STAM: variants seen among roughly 807,000 people sequenced by gnomAD.
The protein encoded by STAM is signal transducing adapter molecule 1.
In STAM, 16 loss-of-function variants were observed where a neutral mutation model predicts 63.4. The observed-to-expected ratio is 0.25, with a 90% CI of 0.17 to 0.38. The LOEUF (loss-of-function observed/expected upper bound fraction) is 0.38. STAM is among the 10% of genes least tolerant of loss of function. The probability of loss-of-function intolerance (pLI) is 1.00; values close to 1 mark genes in which losing one functional copy is unlikely to be tolerated. For missense variants in STAM, 636 were observed against 657.1 expected, an observed-to-expected ratio of 0.97 and a Z score of 0.35; for synonymous variants, 238 against 223.9, an observed-to-expected ratio of 1.06 and a Z score of -0.56.
At chr10:17,666,087 T>C (rs1834363738) in intron 2 of STAM, among the ~76,000 whole-genome samples, 1 of 152,218 alleles carries the variant, frequency 6.6e-6, no homozygotes, top group South Asian at 2.1e-4. Flanking sequence ...TGAGGATAAA[T>C]ACTGATTATC....
intron 5 of STAM, 79 bp from the exon 6 acceptor site, chr10:17,693,143 T>G (rs1236945639): frequency 7.9e-7 from 1 of 1,270,332 alleles, no homozygotes; most frequent in Non-Finnish European, 1.1e-6. Context: ...ATGAGAAAGG[T>G]TTTGCAAATT....
At chr10:17,665,358 A>G (rs1175883596) in intron 2 of STAM, among the ~76,000 whole-genome samples, 2 of 152,214 alleles carry the variant, frequency 1.3e-5, no homozygotes, top group East Asian at 1.9e-4. Flanking sequence ...AAAGATGGAC[A>G]TTGACAAGTC....
chr10:17,692,094 GTAGGTGC>G (rs1835562207), intron 5 of STAM, among the ~76,000 whole-genome samples: 1 of 152,192 alleles, frequency 6.6e-6, no homozygotes. Context: ...CCCATGAGGT[GTAGGTGC>G]TATTATCGTA....
intron 1 of STAM, among the ~76,000 whole-genome samples, chr10:17,644,900 G>C (rs1833460801): frequency 1.3e-5 from 2 of 152,200 alleles, no homozygotes; most frequent in African/African-American, 2.4e-5. Flanking sequence ...CATGTTAGGA[G>C]CGATGAAGAT....
intron 13 of STAM, among the ~76,000 whole-genome samples, chr10:17,709,583 G>A (rs1836461894): frequency 6.6e-6 from 1 of 152,044 alleles, no homozygotes; most frequent in Admixed American, 6.6e-5. Context: ...TGCTTTAATG[G>A]GACTCTGAGC....
intron 2 of STAM, among the ~76,000 whole-genome samples, chr10:17,669,746 G>A (rs1345100485): frequency 1.3e-5 from 2 of 148,706 alleles, no homozygotes; most frequent in African/African-American, 5.0e-5. Flanking sequence ...CACCCAGGCT[G>A]TAGTGCAGTG....
rs1476561984 is a variant in STAM at position 17,675,459 on chromosome 10, G to A, written c.126-9216G>A. 4.0e-5 allele frequency among the ~76,000 whole-genome samples: 6 copies of A among 149,592 alleles called. 1 individual carries two copies. The highest frequency in any genetic ancestry group is 1.5e-4 in the African/African-American group (6 of 40,418). On this transcript the variant is annotated intron_variant, in intron 2 of 13. Transcript: ENST00000377524. Reference sequence around the variant, plus strand: ...GTGGAGGTTGCAGTGAACTGAGATCGCACCACTGCATTCCAGGCTGGGAGA... The same window carrying A: ...GTGGAGGTTGCAGTGAACTGAGATCACACCACTGCATTCCAGGCTGGGAGA...
rs782182453 is a variant in STAM, at chr10:17,714,600, T to C, written c.1443T>C (p.Ser481=). 3 of 1,614,132 alleles carry C rather than the reference T, an allele frequency of 1.9e-6. No homozygotes were observed. Among genetic ancestry groups the C allele is most frequent in the Non-Finnish European group, 2.5e-6 (3 of 1,180,020 alleles). ...ATCCCAGCCAGGCGCCAGTATATAG[T>C]CCTCCTCCTGCCGCTACTGCTGCTG... ...NTYPSQAPVY[S]PPPAATAAAA... is the part of the protein sequence containing the mutation. The change falls in exon 14 of 14, where the codon AGT becomes AGC. Residue 481 remains serine (S), a synonymous_variant. Coordinates refer to ENST00000377524, the MANE Select transcript of STAM (RefSeq NM_003473.4).
At chr10:17,702,025 C>T (rs1214377779) in intron 9 of STAM, among the ~76,000 whole-genome samples, 1 of 151,966 alleles carries the variant, frequency 6.6e-6, no homozygotes, top group Admixed American at 6.6e-5. Context: ...TCAGAAGATA[C>T]CGAAAGAACT....
chr10:17,685,017 GCTTTTT>G, intron 4 of STAM, 90 bp downstream of exon 4: 2 of 1,056,192 alleles, frequency 1.9e-6, no homozygotes, highest in Non-Finnish European at 2.7e-6. Context: ...ACTATTCTGT[GCTTTTT>G]AAGAAATCCT....
At position 17,716,591 on chromosome 10, in the gene STAM, T is replaced by G. The variant is rs1196573722; in HGVS notation, c.*1811T>G. Reference sequence around the variant, plus strand: ...AACTGATATACTTTTCTGCAATTTTTCTTTGTCTTTTGATAAATTCCTGTT... The same window carrying G: ...AACTGATATACTTTTCTGCAATTTTGCTTTGTCTTTTGATAAATTCCTGTT... On this transcript the variant is annotated 3_prime_UTR_variant, in exon 14 of 14. Coordinates refer to ENST00000377524, the MANE Select transcript of STAM (RefSeq NM_003473.4). Among the ~76,000 whole-genome samples the G allele has an allele frequency of 1.3e-5, 2 of 152,232 alleles. No homozygotes were observed. The highest frequency in any genetic ancestry group is 4.8e-5 in the African/African-American group (2 of 41,464).
intron 1 of STAM, among the ~76,000 whole-genome samples, chr10:17,645,940 C>T (rs1554820786): frequency 6.6e-6 from 1 of 152,200 alleles, no homozygotes; most frequent in East Asian, 1.9e-4. Context: ...CTAGCAACTA[C>T]CCAATCACCT....
chr10:17,653,287 G>A (rs1320014421), intron 1 of STAM, among the ~76,000 whole-genome samples: 8 of 152,140 alleles, frequency 5.3e-5, no homozygotes, highest in African/African-American at 1.9e-4. Context: ...AATATTCCGC[G>A]ATAAAAACTG....
At chr10:17,664,142 A>G (rs1418598422) in intron 2 of STAM, among the ~76,000 whole-genome samples, 3 of 152,128 alleles carry the variant, frequency 2.0e-5, no homozygotes, top group African/African-American at 7.2e-5. Context: ...GCCTACATGC[A>G]TAAGCGTTTA....
At chr10:17,657,374 A>G (rs782222963) in intron 1 of STAM, among the ~76,000 whole-genome samples, 17 of 152,084 alleles carry the variant, frequency 1.1e-4, no homozygotes, top group Non-Finnish European at 2.5e-4. Context: ...TACCTGTAAC[A>G]TTTTGTTGAG....
At chr10:17,704,091 G>C (rs1836143712) in intron 9 of STAM, among the ~76,000 whole-genome samples, 1 of 152,164 alleles carries the variant, frequency 6.6e-6, no homozygotes, top group Non-Finnish European at 1.5e-5. Context: ...GCAGTTGGTT[G>C]GTTGGTTTAT....
chr10:17,677,151 T>C (rs1554824740), intron 2 of STAM, among the ~76,000 whole-genome samples: 1 of 152,204 alleles, frequency 6.6e-6, no homozygotes, highest in Non-Finnish European at 1.5e-5. Flanking sequence ...AATTTTATTT[T>C]GGTGCCAGAG....
intron 1 of STAM, among the ~76,000 whole-genome samples, chr10:17,645,835 G>C (rs981607271): frequency 6.6e-6 from 1 of 152,148 alleles, no homozygotes; most frequent in African/African-American, 2.4e-5. Context: ...CTCACTACAT[G>C]AATCTCTAGG....
intron 1 of STAM, among the ~76,000 whole-genome samples, chr10:17,656,567 A>T (rs11254704): frequency 0.12 from 17,535 of 152,238 alleles, 1,109 homozygotes; most frequent in Middle Eastern, 0.15. Context: ...GGGTAACGGT[A>T]CAAATGTTGA....
Sources: gnomAD v4.1 joint callset for allele counts (sites outside exome capture counted in the v4.1 genomes callset) on GRCh38, gnomAD v4.1.1 for gene constraint, MANE v1.5 for transcripts, NCBI Gene and HGNC (gene_info 2026-07-23, HGNC 2026-07-21) for gene names.